RYR3: variants seen among roughly 807,000 people sequenced by gnomAD.
The protein encoded by RYR3 is ryanodine receptor 3.
In RYR3, 207 loss-of-function variants were observed where a neutral mutation model predicts 584.3. The ratio of observed to expected loss-of-function variants is 0.35; its 90% CI spans 0.32 to 0.40. RYR3 has a LOEUF of 0.40. Among genes scored for constraint, RYR3 ranks in the 10% least tolerant of loss-of-function variants. RYR3 has a pLI of 1.00. For missense variants in RYR3, 5,616 were observed against 6,089.2 expected (o/e 0.92, Z 2.59); for synonymous variants, 2,416 against 2,248.5 (o/e 1.07, Z -2.11).
intron 67 of RYR3, among the ~76,000 whole-genome samples, chr15:33,799,880 A>AG (rs1367737201): frequency 1.3e-5 from 2 of 152,196 alleles, no homozygotes; most frequent in African/African-American, 4.8e-5. Context: ...GTTTTATGTG[A>AG]GAAAAACCCC....
At position 33,311,236 on chromosome 15, in the gene RYR3, C is replaced by A. The variant is rs568154363; in HGVS notation, c.51+140C>A. The A allele has an allele frequency of 1.3e-5, 7 of 555,468 alleles. No individual in the cohort carries two copies. Among genetic ancestry groups the A allele is most frequent in the African/African-American group, 1.2e-4 (6 of 50,284 alleles). The allele number at this position is 555,468 out of a possible 1,614,324, so 34.4% of individuals were successfully genotyped here. A position where few individuals can be genotyped will look rare whatever the true frequency, so the allele number is the denominator to read the frequency against. On this transcript the variant is annotated intron_variant, in intron 1 of 103. Transcript: ENST00000634891. The surrounding 1 kb of genome is among the most constrained non-coding windows in gnomAD (Gnocchi z 4.4). ...TCTCCGCACCCGCGGGCTGCAGAGG[C>A]GGACCGGCCACCTACCCGCGGGGCC...
At chr15:33,739,301 C>T (rs1208196779) in intron 50 of RYR3, among the ~76,000 whole-genome samples, 1 of 152,156 alleles carries the variant, frequency 6.6e-6, no homozygotes, top group African/African-American at 2.4e-5. Flanking sequence ...CTAGTATAAG[C>T]AGATCAAAAG....
chr15:33,773,555 G>A lies in RYR3; in HGVS notation c.9077G>A (p.Cys3026Tyr). ...DLLLGDVQIS[C>Y]YHILCSLYSL... ...TCAGTGGGTGATGTGCAGATTTCAT[G>A]CTACCACATACTGTGCAGCCTCTAC... is the stretch of plus-strand genomic sequence containing the variant. Residue 3026 changes from cysteine to tyrosine, a missense_variant, in exon 64 of 104, where the codon TGC becomes TAC. Cys to Tyr is a radical substitution (Grantham distance 194). Around this residue, in one of 9 missense-constraint regions of RYR3, gnomAD observed 954 missense variants for 1,132.2 expected, o/e 0.84. Transcript: ENST00000634891. 1 of 1,608,486 alleles carries A rather than the reference G, an allele frequency of 6.2e-7. No homozygotes were observed. The highest frequency in any genetic ancestry group is 8.5e-7 in the Non-Finnish European group (1 of 1,177,118).
intron 45 of RYR3, among the ~76,000 whole-genome samples, chr15:33,725,180 C>CACACACACACACACACACACACACATAT (rs2068273572): frequency 4.2e-5 from 6 of 143,896 alleles, no homozygotes; most frequent in African/African-American, 1.3e-4. Flanking sequence ...CACACACACA[C>CACACACACACACACACACACACACATAT]ACACACACAC....
intron 43 of RYR3, 111 bp downstream of exon 43, chr15:33,707,165 G>T: frequency 1.6e-6 from 2 of 1,284,504 alleles, no homozygotes; most frequent in Non-Finnish European, 2.2e-6. Context: ...TAGGGGGTTG[G>T]TGGCTGGCAA....
intron 38 of RYR3, among the ~76,000 whole-genome samples, chr15:33,695,056 G>A (rs924910976): frequency 2.0e-5 from 3 of 152,190 alleles, no homozygotes; most frequent in Non-Finnish European, 2.9e-5. Flanking sequence ...CAGAAGCACT[G>A]ATCTGTTTAC....
chr15:33,804,735 A>G (rs994655241), intron 69 of RYR3, among the ~76,000 whole-genome samples: 3 of 152,114 alleles, frequency 2.0e-5, no homozygotes, highest in South Asian at 4.1e-4. Context: ...TTGACTCCCT[A>G]TTGCCTTTGC....
intron 103 of RYR3, 40 bp from the exon 104 acceptor site, chr15:33,865,091 G>A (rs772528465): frequency 1.3e-6 from 2 of 1,515,358 alleles, no homozygotes; most frequent in African/African-American, 2.8e-5. Context: ...AGCTTTTACT[G>A]TGGTTTAAAA....
intron 5 of RYR3, among the ~76,000 whole-genome samples, chr15:33,533,661 AGT>A (rs2055070588): frequency 3.3e-5 from 5 of 152,258 alleles, no homozygotes; most frequent in South Asian, 2.1e-4. Flanking sequence ...ATTGAAAGTA[AGT>A]GAACAAATCA....
At chr15:33,344,182 G>A (rs896830362) in intron 1 of RYR3, among the ~76,000 whole-genome samples, 2 of 152,160 alleles carry the variant, frequency 1.3e-5, no homozygotes, top group Non-Finnish European at 2.9e-5. Context: ...GGTTGAAGGT[G>A]AGGTTTCAAT....
chr15:33,507,363 G>A (rs2052569217), intron 3 of RYR3, among the ~76,000 whole-genome samples: 1 of 151,980 alleles, frequency 6.6e-6, no homozygotes, highest in Admixed American at 6.5e-5. Context: ...TCAGTGATGA[G>A]GAGGACCTGG....
chr15:33,726,645 C>T (rs1313674745), intron 46 of RYR3, 139 bp downstream of exon 46: 6 of 884,168 alleles, frequency 6.8e-6, no homozygotes, highest in Admixed American at 7.4e-5. Flanking sequence ...CACTCTTTTT[C>T]CTGTGATGAG....
chr15:33,696,139 T>A, intron 38 of RYR3, 79 bp from the exon 39 acceptor site: 2 of 1,374,638 alleles, frequency 1.5e-6, no homozygotes, highest in Non-Finnish European at 2.0e-6. Context: ...TGTCTTCTAT[T>A]TGCATGAAGT....
Position 33,707,052 on chromosome 15 carries a change from A to C in RYR3, c.6617A>C (p.Asn2206Thr), listed in dbSNP as rs181264765. 2.9e-3 allele frequency: 4,665 copies of C among 1,613,910 alleles called. 21 individuals are homozygous for C. The highest frequency in any genetic ancestry group is 6.1e-3 in the South Asian group (559 of 91,070). ...LSFLRFAVFV[N>T]SESVEENASV... ...TTCCTGAGGTTTGCTGTCTTCGTGA[A>C]CAGTGAGTCCCACATTTTTCCATAC... Residue 2206 changes from asparagine (N) to threonine (T), a missense_variant and splice_region_variant, in exon 43 of 104, where the codon AAC becomes ACC. Asn to Thr is a moderately conservative substitution (Grantham distance 65, BLOSUM62 0). This residue lies in a region of RYR3 where 1,280 missense variants were observed against 1,426.2 expected (regional missense o/e 0.90). Coordinates refer to ENST00000634891, the MANE Select transcript of RYR3 (RefSeq NM_001036.6).
intron 45 of RYR3, 120 bp downstream of exon 45, chr15:33,724,296 C>A (rs2068182262): frequency 6.3e-6 from 4 of 631,408 alleles, no homozygotes; most frequent in Non-Finnish European, 1.1e-5. Context: ...TTTTCTAGGT[C>A]CCTTTTAGCT....
intron 49 of RYR3, 76 bp from the exon 50 acceptor site, chr15:33,738,374 C>A: frequency 7.0e-7 from 1 of 1,430,714 alleles, no homozygotes; most frequent in Non-Finnish European, 9.5e-7. Flanking sequence ...CTACTTGATT[C>A]TCTCCTGCAT....
chr15:33,740,047 T>C, intron 51 of RYR3, 52 bp downstream of exon 51: 1 of 1,527,778 alleles, frequency 6.5e-7, no homozygotes, highest in Non-Finnish European at 9.0e-7. Flanking sequence ...CAATAGCCAA[T>C]GTTTTCTTCC....
intron 15 of RYR3, among the ~76,000 whole-genome samples, chr15:33,584,772 C>A (rs1338396977): frequency 6.6e-6 from 1 of 151,394 alleles, no homozygotes; most frequent in Non-Finnish European, 1.5e-5. Context: ...CCATTAATCA[C>A]CCCCCACCCC....
At chr15:33,600,400 C>G (rs1029475114) in intron 16 of RYR3, among the ~76,000 whole-genome samples, 1 of 152,078 alleles carries the variant, frequency 6.6e-6, no homozygotes, top group Admixed American at 6.6e-5. Context: ...GCTGTTTGCG[C>G]ATTCCTCTCT....
Sources: gnomAD v4.1 joint callset for allele counts (sites outside exome capture counted in the v4.1 genomes callset) on GRCh38, gnomAD v4.1.1 for gene constraint, gnomAD v4.1.1 regional missense constraint, Gnocchi (gnomAD v3.1) non-coding constraint, MANE v1.5 for transcripts, NCBI Gene and HGNC (gene_info 2026-07-23, HGNC 2026-07-21) for gene names.